The following HEATR5A variants were observed in gnomAD, a reference collection of about 807,000 sequenced individuals.
HEATR5A encodes HEAT repeat-containing protein 5A.
Under a neutral mutation model 218.8 loss-of-function variants are expected in HEATR5A, and 178 were observed. The observed-to-expected ratio is 0.81, with a 90% CI of 0.72 to 0.92. The LOEUF (loss-of-function observed/expected upper bound fraction) is 0.92. Among genes scored for constraint, HEATR5A ranks in the 40% least tolerant of loss-of-function variants. The pLI is 0.00. For synonymous variants in HEATR5A, 864 were observed against 871.6 expected, an observed-to-expected ratio of 0.99 and a Z score of 0.15; for missense variants, 2,420 against 2,418.9, an observed-to-expected ratio of 1.00 and a Z score of -0.01.
intron 9 of HEATR5A, among the ~76,000 whole-genome samples, chr14:31,384,507 T>C (rs1236252268): frequency 6.6e-6 from 1 of 151,418 alleles, no homozygotes; most frequent in Non-Finnish European, 1.5e-5. Flanking sequence ...TTCTAGTACA[T>C]TTATCTACAT....
At chr14:31,317,898 T>A (rs1020832163) in intron 26 of HEATR5A, among the ~76,000 whole-genome samples, 2 of 152,154 alleles carry the variant, frequency 1.3e-5, no homozygotes, top group African/African-American at 4.8e-5. Context: ...GGGGAATCCA[T>A]CAATTCAATT....
intron 29 of HEATR5A, 100 bp from the exon 30 acceptor site, chr14:31,308,120 G>A: frequency 2.9e-6 from 3 of 1,043,428 alleles, no homozygotes; most frequent in East Asian, 2.7e-5. Flanking sequence ...TAAACAAACA[G>A]TAAAAAGGTA....
chr14:31,337,812 G>A (rs540609460), intron 21 of HEATR5A, among the ~76,000 whole-genome samples, 198 bp from the exon 22 acceptor site: 1 of 152,178 alleles, frequency 6.6e-6, no homozygotes, highest in South Asian at 2.1e-4. Context: ...AGCTTAATAG[G>A]TAATATGTGT....
At chr14:31,368,733 ATTTATTTT>A (rs1901903679) in intron 13 of HEATR5A, among the ~76,000 whole-genome samples, 2 of 139,668 alleles carry the variant, frequency 1.4e-5, no homozygotes, top group African/African-American at 5.6e-5. Flanking sequence ...TTATTTATTT[ATTTATTTT>A]GGTAGAGATG....
At chr14:31,406,646 A>G (rs1422111755) in intron 1 of HEATR5A, among the ~76,000 whole-genome samples, 1 of 152,096 alleles carries the variant, frequency 6.6e-6, no homozygotes, top group Non-Finnish European at 1.5e-5. Flanking sequence ...CCTTTCATCC[A>G]ATCAAGCTCC....
At chr14:31,409,892 T>G (rs1270834757) in intron 1 of HEATR5A, among the ~76,000 whole-genome samples, 3 of 152,204 alleles carry the variant, frequency 2.0e-5, no homozygotes, top group African/African-American at 7.2e-5. Flanking sequence ...TCTATTTTGG[T>G]ATGGACGGAA....
At chr14:31,378,731 T>C (rs1199000376) in intron 11 of HEATR5A, among the ~76,000 whole-genome samples, 1 of 139,900 alleles carries the variant, frequency 7.1e-6, no homozygotes, top group Non-Finnish European at 1.5e-5. Flanking sequence ...GAGCTTGCAG[T>C]GAGCCGAGAT....
intron 26 of HEATR5A, among the ~76,000 whole-genome samples, chr14:31,317,659 T>C (rs925506274): frequency 6.6e-6 from 1 of 152,170 alleles, no homozygotes; most frequent in African/African-American, 2.4e-5. Context: ...AAATTGTATA[T>C]TGTATGGCTC....
At chr14:31,399,239 G>A (rs1379654198) in intron 3 of HEATR5A, among the ~76,000 whole-genome samples, 1 of 152,060 alleles carries the variant, frequency 6.6e-6, no homozygotes, top group East Asian at 1.9e-4. Flanking sequence ...CTATTCTGTG[G>A]TTAAATCCTA....
intron 1 of HEATR5A, among the ~76,000 whole-genome samples, chr14:31,418,595 T>G (rs1409452936): frequency 1.3e-5 from 2 of 152,258 alleles, no homozygotes; most frequent in African/African-American, 4.8e-5. Flanking sequence ...TGGCCCCAGT[T>G]AATTGATTTC....
intron 3 of HEATR5A, 50 bp downstream of exon 3, chr14:31,400,251 C>T: frequency 8.1e-7 from 1 of 1,239,940 alleles, no homozygotes; most frequent in South Asian, 1.4e-5. Flanking sequence ...CATAAAAATA[C>T]AACAGGAAGC....
At chr14:31,297,481 T>C (rs991440649) in intron 33 of HEATR5A, 3 of 144,756 alleles carry the variant, frequency 2.1e-5, no homozygotes, top group African/African-American at 8.7e-5. Flanking sequence ...TCCCTGTCTC[T>C]TTAAACAAAC....
At chr14:31,331,597 C>T (rs1595104907) in intron 22 of HEATR5A, among the ~76,000 whole-genome samples, 1 of 152,152 alleles carries the variant, frequency 6.6e-6, no homozygotes, top group African/African-American at 2.4e-5. Context: ...ATAGCAGTGC[C>T]CCACTCCTGG....
intron 22 of HEATR5A, among the ~76,000 whole-genome samples, chr14:31,330,109 G>C (rs1451822004): frequency 2.6e-5 from 4 of 152,220 alleles, no homozygotes; most frequent in Admixed American, 2.6e-4. Context: ...CACTGCCCTA[G>C]CAGAGGTTCT....
In HEATR5A at chr14:31,313,089, A is replaced by G; in HGVS notation, c.4320T>C (p.Asp1440=). The change falls in exon 28 of 36, where the codon GAT becomes GAC. Residue 1440 remains aspartate (D), a synonymous_variant. Transcript: ENST00000543095. The part of the protein sequence containing the change: ...DGIRNGSCSS[D]GLLDLVYADL... ...CTGCATAGACTAAGTCAAGCAGTCC[A>G]TCTGATGAACATGATCCATTTCTGA... 1.2e-6 allele frequency: 2 copies of G among 1,613,760 alleles called. No individual in the cohort carries two copies. The highest frequency in any genetic ancestry group is 1.1e-5 in the South Asian group (1 of 91,076).
chr14:31,306,377 G>A (rs1183556886), intron 31 of HEATR5A, among the ~76,000 whole-genome samples: 2 of 152,136 alleles, frequency 1.3e-5, no homozygotes, highest in Non-Finnish European at 2.9e-5. Flanking sequence ...TAGCTACTCA[G>A]GAGGCTAAGG....
At chr14:31,370,837 C>T (rs777966260) in intron 13 of HEATR5A, among the ~76,000 whole-genome samples, 19 of 152,132 alleles carry the variant, frequency 1.2e-4, no homozygotes, top group Non-Finnish European at 2.6e-4. Flanking sequence ...TAATTTTTGC[C>T]TGATCAAAAC....
At chr14:31,382,632 G>A (rs945883145) in intron 10 of HEATR5A, among the ~76,000 whole-genome samples, 11 of 151,472 alleles carry the variant, frequency 7.3e-5, no homozygotes, top group African/African-American at 2.7e-4. Flanking sequence ...AAAATTCTTT[G>A]TACATTAAAA....
chr14:31,312,869 G>T, intron 28 of HEATR5A, 99 bp downstream of exon 28: 1 of 1,023,044 alleles, frequency 9.8e-7, no homozygotes, highest in Non-Finnish European at 1.4e-6. Context: ...TGGCACTCCA[G>T]CCTGGGAAAC....
Sources: gnomAD v4.1 joint callset for allele counts (sites outside exome capture counted in the v4.1 genomes callset) on GRCh38, gnomAD v4.1.1 for gene constraint, MANE v1.5 for transcripts, NCBI Gene and HGNC (gene_info 2026-07-23, HGNC 2026-07-21) for gene names.